The following CCDC186 variants were observed in gnomAD, a reference collection of about 807,000 sequenced individuals.
CCDC186 encodes the protein coiled-coil domain-containing protein 186.
CCDC186 carries 49 observed loss-of-function variants against 113.7 expected under a neutral mutation model. The observed-to-expected ratio is 0.43, with a 90% CI of 0.34 to 0.55. The LOEUF (loss-of-function observed/expected upper bound fraction) is 0.55. CCDC186 is among the 20% of genes least tolerant of loss of function. The probability of loss-of-function intolerance (pLI) is 0.02; values close to 1 mark genes in which losing one functional copy is unlikely to be tolerated. For synonymous variants in CCDC186, 355 were observed against 345.8 expected, an observed-to-expected ratio of 1.03 and a Z score of -0.30; for missense variants, 890 against 1,011.1, an observed-to-expected ratio of 0.88 and a Z score of 1.62.
chr10:114,146,921 G>A (rs2031655992), intron 4 of CCDC186, among the ~76,000 whole-genome samples: 1 of 152,194 alleles, frequency 6.6e-6, no homozygotes, highest in Non-Finnish European at 1.5e-5. Flanking sequence ...TCAACACTGA[G>A]AATGCTATAC....
chr10:114,128,761 ACT>A (rs1436468415), intron 13 of CCDC186, among the ~76,000 whole-genome samples: 8 of 152,130 alleles, frequency 5.3e-5, no homozygotes, highest in Non-Finnish European at 8.8e-5. Flanking sequence ...AATTTTATAG[ACT>A]CTACCCATTT....
At position 114,122,986 on chromosome 10, in the gene CCDC186, T is replaced by C. The variant is rs1482383538; in HGVS notation, c.*2157A>G. 3 of 152,258 alleles carry C rather than the reference T, an allele frequency of 2.0e-5. No individual in the cohort carries two copies. The highest frequency in any genetic ancestry group is 4.4e-5 in the Non-Finnish European group (3 of 68,018). The allele number at this position is 152,258 out of a possible 1,614,324, so 9.4% of individuals were successfully genotyped here. A position where few individuals can be genotyped will look rare whatever the true frequency, so the allele number is the denominator to read the frequency against. On this transcript the variant is annotated 3_prime_UTR_variant, in exon 16 of 16. Transcript: ENST00000369287. ...CATTTTTGTCTAAAATGTATATACA[T>C]TTTAAAGTGTATAGGCATAGGATAC... is the stretch of plus-strand genomic sequence containing the variant.
At chr10:114,156,538 C>T (rs2032015096) in intron 3 of CCDC186, among the ~76,000 whole-genome samples, 1 of 152,150 alleles carries the variant, frequency 6.6e-6, no homozygotes, top group African/African-American at 2.4e-5. Flanking sequence ...CCAGCCTAGC[C>T]AACACGGTGA....
chr10:114,149,624 A>AAGGGAAGGGAAGGGAAGGG (rs1564912732), intron 4 of CCDC186, among the ~76,000 whole-genome samples: 7 of 17,090 alleles, frequency 4.1e-4, no homozygotes, highest in African/African-American at 1.5e-3. Context: ...GAAGGGAAGG[A>AAGGGAAGGGAAGGGAAGGG]AAGGGAGGGG....
At chr10:114,139,751 T>C (rs964772484) in intron 6 of CCDC186, among the ~76,000 whole-genome samples, 7 of 152,072 alleles carry the variant, frequency 4.6e-5, no homozygotes, top group African/African-American at 1.2e-4. Flanking sequence ...TTTTCAAATA[T>C]TGACTTTTTA....
chr10:114,125,140 G>C lies in CCDC186; in HGVS notation c.*3C>G. 6.3e-7 allele frequency: 1 copy of C among 1,598,258 alleles called. No homozygotes were observed. The highest frequency in any genetic ancestry group is 8.5e-7 in the Non-Finnish European group (1 of 1,171,038). ...TGTCTCTTTACTGAGCAAGAGGCTTGTTTTAGGTTTTCTTTGTCCTCTGTT... is the reference window on the plus strand; with the variant it reads ...TGTCTCTTTACTGAGCAAGAGGCTTCTTTTAGGTTTTCTTTGTCCTCTGTT... On this transcript the variant is annotated 3_prime_UTR_variant, in exon 16 of 16. Transcript: ENST00000369287.
chr10:114,146,638 G>A (rs944743860), intron 4 of CCDC186, among the ~76,000 whole-genome samples: 4 of 152,130 alleles, frequency 2.6e-5, no homozygotes, highest in Non-Finnish European at 2.9e-5. Flanking sequence ...AAATTTCACA[G>A]AATGAAAACT....
intron 11 of CCDC186, 24 bp from the exon 12 acceptor site, chr10:114,131,360 C>T (rs570903969): frequency 6.6e-7 from 1 of 1,517,138 alleles, no homozygotes; most frequent in East Asian, 2.4e-5. Flanking sequence ...AAAACAAAAA[C>T]CACCAATTTT....
Position 114,125,920 on chromosome 10 carries a change from A to G in CCDC186, c.2579T>C (p.Leu860Ser), listed in dbSNP as rs1404661252. 1 of 1,613,982 alleles carries G rather than the reference A, an allele frequency of 6.2e-7. No individual in the cohort carries two copies. Among genetic ancestry groups the G allele is most frequent in the South Asian group, 1.1e-5 (1 of 91,084 alleles). ...AATATTTTTTAGTAACGTATCCTCCAAAACAGCCTGTAATTTTCGGTTGAT... is the reference window on the plus strand; with the variant it reads ...AATATTTTTTAGTAACGTATCCTCCGAAACAGCCTGTAATTTTCGGTTGAT... ...LEINRKLQAV[L>S]EDTLLKNITL... Residue 860 changes from leucine (L) to serine (S), a missense_variant, in exon 15 of 16, where the codon TTG becomes TCG. Leu to Ser is a moderately radical substitution (Grantham distance 145). Coordinates refer to ENST00000369287, the MANE Select transcript of CCDC186 (RefSeq NM_018017.4).
chr10:114,164,137 T>TG (rs1554930715), intron 1 of CCDC186, among the ~76,000 whole-genome samples: 5 of 139,980 alleles, frequency 3.6e-5, no homozygotes, highest in African/African-American at 5.3e-5. Context: ...TTTTTTTTTT[T>TG]GGGATAGAGT....
intron 3 of CCDC186, among the ~76,000 whole-genome samples, chr10:114,153,848 C>A (rs937746825): frequency 2.7e-5 from 4 of 147,282 alleles, no homozygotes; most frequent in African/African-American, 7.5e-5. Flanking sequence ...CATCTTAAGA[C>A]ACCAGAAAAA....
Position 114,125,870 on chromosome 10 carries a change from T to C in CCDC186, c.2613+16A>G, listed in dbSNP as rs767208767. 11 of 1,605,770 alleles carry C rather than the reference T, an allele frequency of 6.9e-6. No individual in the cohort carries two copies. Among genetic ancestry groups the C allele is most frequent in the Non-Finnish European group, 6.8e-6 (8 of 1,172,656 alleles). Reference sequence around the variant, plus strand: ...CCATGTTTACTGGTTGGTGTGTGAATGAGAAACACAAATACCTTCAAAGTA... The same window carrying C: ...CCATGTTTACTGGTTGGTGTGTGAACGAGAAACACAAATACCTTCAAAGTA... On this transcript the variant is annotated intron_variant, in intron 15 of 15. Coordinates refer to ENST00000369287, the MANE Select transcript of CCDC186 (RefSeq NM_018017.4).
chr10:114,151,331 C>T, intron 3 of CCDC186, 111 bp from the exon 4 acceptor site: 1 of 830,664 alleles, frequency 1.2e-6, no homozygotes, highest in South Asian at 2.0e-5. Context: ...AATGAATATA[C>T]TTCAGCTATT....
intron 3 of CCDC186, among the ~76,000 whole-genome samples, chr10:114,156,591 T>C (rs1238833672): frequency 6.6e-6 from 1 of 151,938 alleles, no homozygotes; most frequent in Non-Finnish European, 1.5e-5. Context: ...CTGGGTGTGG[T>C]TGGTGGCCGC....
At chr10:114,173,852 C>T (rs2032608802) in intron 1 of CCDC186, among the ~76,000 whole-genome samples, 163 bp downstream of exon 1, 1 of 152,242 alleles carries the variant, frequency 6.6e-6, no homozygotes, top group African/African-American at 2.4e-5. Context: ...TTCCTCCGCG[C>T]CCTCAAAGGA....
chr10:114,155,346 T>G (rs188675209), intron 3 of CCDC186, among the ~76,000 whole-genome samples: 8 of 152,308 alleles, frequency 5.3e-5, no homozygotes, highest in Non-Finnish European at 4.4e-5. Flanking sequence ...ACAAGCCACA[T>G]GTGGAATTTA....
At chr10:114,131,816 A>G (rs2031097327) in intron 11 of CCDC186, 113 bp downstream of exon 11, 2 of 850,984 alleles carry the variant, frequency 2.4e-6, no homozygotes, top group Non-Finnish European at 1.6e-6. Context: ...AAATTGTCAG[A>G]AAGTCAGTGT....
intron 13 of CCDC186, among the ~76,000 whole-genome samples, chr10:114,128,335 C>T (rs951874076): frequency 3.3e-5 from 5 of 152,172 alleles, no homozygotes; most frequent in African/African-American, 1.2e-4. Flanking sequence ...GATTTTATAG[C>T]TTTAAGTAAT....
rs1234217609 is a variant in CCDC186 at position 114,121,495 on chromosome 10, A to G, written c.*3648T>C. 1 of 152,224 alleles carries G rather than the reference A, an allele frequency of 6.6e-6. No individual in the cohort carries two copies. Among genetic ancestry groups the G allele is most frequent in the African/African-American group, 2.4e-5 (1 of 41,462 alleles). 9.4% of individuals were successfully genotyped at this position (152,224 alleles called of 1,614,324 possible). ...AACATGCGTGACATGATTAATCTTTATGAGCACCAAATAGGCATTAATAAT... is the reference window on the plus strand; with the variant it reads ...AACATGCGTGACATGATTAATCTTTGTGAGCACCAAATAGGCATTAATAAT... On this transcript the variant is annotated 3_prime_UTR_variant, in exon 16 of 16. Transcript: ENST00000369287.
Sources: allele counts gnomAD v4.1 joint callset (sites outside exome capture counted in the v4.1 genomes callset), GRCh38; gene constraint gnomAD v4.1.1; transcripts MANE v1.5; gene names NCBI Gene and HGNC (gene_info 2026-07-23, HGNC 2026-07-21).